PITPNC1: variants seen among roughly 807,000 people sequenced by gnomAD.
The protein encoded by PITPNC1 is cytoplasmic phosphatidylinositol transfer protein 1.
Under a neutral mutation model 44.7 loss-of-function variants are expected in PITPNC1, and 18 were observed. The ratio of observed to expected loss-of-function variants is 0.40; its 90% confidence interval spans 0.28 to 0.60. The LOEUF is 0.60. PITPNC1 is among the 20% of genes least tolerant of loss of function. PITPNC1 has a pLI of 0.39. For missense variants in PITPNC1, 290 were observed against 418.4 expected (o/e 0.69, Z 2.68); for synonymous variants, 141 against 149.6 (o/e 0.94, Z 0.42).
In PITPNC1 at chr17:67,569,813, T is replaced by C. The variant is rs143498843; in HGVS notation, c.295-8373T>C. On this transcript the variant is annotated intron_variant, in intron 4 of 8. Transcript: ENST00000581322. The stretch of plus-strand genomic sequence containing the variant: ...GGGTTGGGGCAAAATAAACACTGGA[T>C]GTAATTAAGTGAATATTTTCTATGA... Among the ~76,000 whole-genome samples the C allele has an allele frequency of 1.5e-3, 227 of 152,290 alleles. 1 individual carries two copies. The highest frequency in any genetic ancestry group is 5.4e-3 in the African/African-American group (223 of 41,562).
At chr17:67,441,782 C>T (rs2039016076) in intron 1 of PITPNC1, among the ~76,000 whole-genome samples, 1 of 152,092 alleles carries the variant, frequency 6.6e-6, no homozygotes, top group African/African-American at 2.4e-5. Context: ...GAATATTCAT[C>T]AGTGCGCCCT....
In PITPNC1 at chr17:67,563,906, T is replaced by C. The variant is rs1054956433; in HGVS notation, c.294+10289T>C. Among the ~76,000 whole-genome samples the C allele has an allele frequency of 1.5e-4, 23 of 152,108 alleles. 1 individual carries two copies. The South Asian group carries it at 4.2e-3, about 28-fold the overall frequency. ...AGAAATGGGTGGATGGATAGATAGA[T>C]TAGATAGCTAGATTAGATATGTAGA... is the stretch of plus-strand genomic sequence containing the variant. On this transcript the variant is annotated intron_variant, in intron 4 of 8. Transcript: ENST00000581322.
At chr17:67,679,779 A>G (rs981877800) in intron 8 of PITPNC1, among the ~76,000 whole-genome samples, 1 of 152,236 alleles carries the variant, frequency 6.6e-6, no homozygotes, top group African/African-American at 2.4e-5. Flanking sequence ...CTGCACGACT[A>G]GAACGCTAAT....
At chr17:67,532,738 T>A in intron 1 of PITPNC1, 64 bp from the exon 2 acceptor site, 1 of 1,354,908 alleles carries the variant, frequency 7.4e-7, no homozygotes, top group Non-Finnish European at 1.0e-6. Flanking sequence ...CAAGCTATGG[T>A]TGGAGGGGGA....
At chr17:67,610,400 G>A (rs1053977146) in intron 5 of PITPNC1, among the ~76,000 whole-genome samples, 1 of 152,174 alleles carries the variant, frequency 6.6e-6, no homozygotes, top group Non-Finnish European at 1.5e-5. Flanking sequence ...ATTCCGCTCC[G>A]AAAATTACAT....
chr17:67,563,275 G>A (rs2040928991), intron 4 of PITPNC1, among the ~76,000 whole-genome samples: 1 of 152,218 alleles, frequency 6.6e-6, no homozygotes, highest in Admixed American at 6.5e-5. Flanking sequence ...AGTCAAGTCT[G>A]TATAGAGTTT....
intron 6 of PITPNC1, among the ~76,000 whole-genome samples, chr17:67,648,433 T>C (rs2042175155): frequency 6.6e-6 from 1 of 152,202 alleles, no homozygotes; most frequent in African/African-American, 2.4e-5. Flanking sequence ...AGGAGCTGGG[T>C]TCTTGGCCTC....
chr17:67,635,664 A>G (rs1274731008), intron 6 of PITPNC1, among the ~76,000 whole-genome samples: 5 of 152,198 alleles, frequency 3.3e-5, no homozygotes, highest in Non-Finnish European at 7.3e-5. Context: ...ATGGCAGCAT[A>G]TGGAGATCAG....
chr17:67,564,494 TG>T (rs1361504989), intron 4 of PITPNC1, among the ~76,000 whole-genome samples: 3 of 152,170 alleles, frequency 2.0e-5, no homozygotes, highest in Non-Finnish European at 4.4e-5. Context: ...GCAGGTTGGA[TG>T]GTGCCCACCC....
chr17:67,601,899 C>T (rs1363345150), intron 5 of PITPNC1, among the ~76,000 whole-genome samples: 2 of 151,950 alleles, frequency 1.3e-5, no homozygotes, highest in Non-Finnish European at 2.9e-5. Flanking sequence ...GACGAGCACA[C>T]GCAGAAGGTC....
intron 1 of PITPNC1, among the ~76,000 whole-genome samples, chr17:67,411,630 C>T (rs2038498742): frequency 6.6e-6 from 1 of 151,980 alleles, no homozygotes; most frequent in Non-Finnish European, 1.5e-5. Context: ...GTTAAAGAAA[C>T]GGGAACCTGA....
chr17:67,632,099 C>T (rs2041978727), intron 5 of PITPNC1, 44 bp from the exon 6 acceptor site: 2 of 1,236,834 alleles, frequency 1.6e-6, no homozygotes, highest in African/African-American at 3.0e-5. Context: ...TGGAGGGTAA[C>T]ACCTGCTATC....
In PITPNC1 at chr17:67,508,432, G is replaced by A. The variant is rs540647684; in HGVS notation, c.49-24370G>A. Among the ~76,000 whole-genome samples the A allele has an allele frequency of 2.0e-4, 31 of 152,276 alleles. No individual in the cohort carries two copies. In the East Asian group the frequency reaches 5.4e-3, roughly 27 times the overall value. ...GTTGCCATGGCATTTGTAAACTGTC[G>A]TGGCTCTGGTGGGAGTGTAGCAGTG... On this transcript the variant is annotated intron_variant, in intron 1 of 8. Coordinates refer to ENST00000581322, the MANE Select transcript of PITPNC1 (RefSeq NM_012417.4). This position sits in a 1 kb window ranked among gnomAD's most constrained non-coding sequence, Gnocchi z 4.2.
At chr17:67,556,976 G>C (rs1297438192) in intron 4 of PITPNC1, among the ~76,000 whole-genome samples, 1 of 152,194 alleles carries the variant, frequency 6.6e-6, no homozygotes, top group Admixed American at 6.5e-5. Context: ...TCTCAGAGAA[G>C]GTCGCATTTG....
rs1027402536 is a variant in PITPNC1 at position 67,407,088 on chromosome 17, A to G, written c.48+28886A>G. 2.0e-5 allele frequency among the ~76,000 whole-genome samples: 3 copies of G among 152,152 alleles called. No homozygotes were observed. In the East Asian group the frequency reaches 5.8e-4, roughly 29 times the overall value. ...GTTTAGGTTTTTGAGGAGCTGCCAA[A>G]CTGGTTTCCACAGTGCCTGCACCGT... On this transcript the variant is annotated intron_variant, in intron 1 of 8. Transcript: ENST00000581322.
chr17:67,522,433 G>A (rs546625920), intron 1 of PITPNC1, among the ~76,000 whole-genome samples: 4 of 152,038 alleles, frequency 2.6e-5, no homozygotes, highest in East Asian at 1.9e-4. Context: ...TATTTCTCCC[G>A]TCTTCTAGGC....
At chr17:67,425,236 C>T (rs1455603396) in intron 1 of PITPNC1, among the ~76,000 whole-genome samples, 1 of 138,604 alleles carries the variant, frequency 7.2e-6, no homozygotes, top group Admixed American at 7.1e-5. Context: ...CACACACACA[C>T]ACACACACAC....
Position 67,697,152 on chromosome 17 carries a change from G to A in PITPNC1, c.*4264G>A, listed in dbSNP as rs1370016763. 6.6e-6 allele frequency: 1 copy of A among 151,018 alleles called. No homozygotes were observed. The highest frequency in any genetic ancestry group is 1.9e-4 in the East Asian group (1 of 5,162). The allele number at this position is 151,018 out of a possible 1,614,324, so 9.4% of individuals were successfully genotyped here. A position where few individuals can be genotyped will look rare whatever the true frequency, so the allele number is the denominator to read the frequency against. ...TGATCCTTACATATGCCATCCTTCT[G>A]TGTCATTTTGTGGCTGTTCTGTGTT... On this transcript the variant is annotated 3_prime_UTR_variant, in exon 9 of 9. Transcript: ENST00000581322.
intron 2 of PITPNC1, among the ~76,000 whole-genome samples, chr17:67,543,556 C>T (rs2040637018): frequency 6.6e-6 from 1 of 152,268 alleles, no homozygotes; most frequent in South Asian, 2.1e-4. Flanking sequence ...TTGCTTTTCT[C>T]TAGTGACTAA....
Sources: allele counts gnomAD v4.1 joint callset (sites outside exome capture counted in the v4.1 genomes callset), GRCh38; gene constraint gnomAD v4.1.1; non-coding constraint Gnocchi (gnomAD v3.1); transcripts MANE v1.5; gene names NCBI Gene and HGNC (gene_info 2026-07-23, HGNC 2026-07-21).